Variants in HECW1 observed in about 807,000 individuals in gnomAD.
HECW1 encodes HECT, C2 and WW domain containing E3 ubiquitin protein ligase 1.
HECW1 carries 61 observed loss-of-function variants against 182.3 expected under a neutral mutation model. The ratio of observed to expected loss-of-function variants is 0.33; its 90% CI spans 0.27 to 0.41. The LOEUF (loss-of-function observed/expected upper bound fraction) is 0.41. Ranked by LOEUF, HECW1 falls within the 10% of genes least tolerant of loss-of-function variation. The probability of loss-of-function intolerance (pLI) is 1.00; values close to 1 mark genes in which losing one functional copy is unlikely to be tolerated. For synonymous variants in HECW1, 859 were observed against 832.6 expected, an observed-to-expected ratio of 1.03 and a Z score of -0.55; for missense variants, 1,739 against 2,108.9, an observed-to-expected ratio of 0.82 and a Z score of 3.44.
At chr7:43,276,952 CA>C (rs1444845614) in intron 3 of HECW1, among the ~76,000 whole-genome samples, 2 of 152,160 alleles carry the variant, frequency 1.3e-5, no homozygotes, top group Admixed American at 6.5e-5. Flanking sequence ...CCCACTTCGC[CA>C]GATTATATTT....
At chr7:43,415,339 G>C (rs1449844165) in intron 8 of HECW1, among the ~76,000 whole-genome samples, 1 of 142,764 alleles carries the variant, frequency 7.0e-6, no homozygotes, top group Non-Finnish European at 1.5e-5. Flanking sequence ...TTTTCTTTAA[G>C]AATGTTGAAT....
chr7:43,445,407 G>T lies in HECW1; in HGVS notation c.2235G>T (p.Ala745=), dbSNP rs760339051. The change falls in exon 11 of 30, where the codon GCG becomes GCT. Residue 745 remains alanine, a synonymous_variant. Coordinates refer to ENST00000395891, the MANE Select transcript of HECW1 (RefSeq NM_015052.5). ...ACGACGAGGAGGAGGAGAACAGCGC[G>T]TTCGAGTCGGTACCCGACTCCATGC... is the stretch of plus-strand genomic sequence containing the variant. ...SQDDEEEENS[A]FESVPDSMQS... is the part of the protein sequence containing the mutation. 1.2e-6 allele frequency: 2 copies of T among 1,613,536 alleles called. No individual in the cohort carries two copies. Among genetic ancestry groups the T allele is most frequent in the South Asian group, 2.2e-5 (2 of 91,082 alleles).
chr7:43,124,162 A>G (rs866723688), intron 2 of HECW1, among the ~76,000 whole-genome samples: 19 of 152,208 alleles, frequency 1.2e-4, no homozygotes, highest in African/African-American at 3.9e-4. Flanking sequence ...ATTTTTATAG[A>G]AACATGAAAC....
intron 24 of HECW1, among the ~76,000 whole-genome samples, chr7:43,532,728 C>T (rs4724211): frequency 0.052 from 7,987 of 152,246 alleles, 517 homozygotes; most frequent in African/African-American, 0.15. Context: ...CACTCCCTGG[C>T]ACATTCAGAA....
At chr7:43,433,764 G>A (rs1440175754) in intron 8 of HECW1, among the ~76,000 whole-genome samples, 1 of 152,218 alleles carries the variant, frequency 6.6e-6, no homozygotes, top group Non-Finnish European at 1.5e-5. Flanking sequence ...TGACCCGAGT[G>A]CCAGTAGACT....
chr7:43,309,136 T>C (rs886285657), intron 3 of HECW1, among the ~76,000 whole-genome samples: 4 of 152,052 alleles, frequency 2.6e-5, no homozygotes, highest in African/African-American at 9.7e-5. Flanking sequence ...TGCAGGGGAA[T>C]GGGATTCCTG....
chr7:43,475,760 G>T (rs527926464), intron 16 of HECW1, among the ~76,000 whole-genome samples: 1 of 152,064 alleles, frequency 6.6e-6, no homozygotes, highest in Non-Finnish European at 1.5e-5. Context: ...ACAGGTTTTC[G>T]CCATGTTGCC....
At position 43,514,020 on chromosome 7, in the gene HECW1, C is replaced by T. The variant is rs538428867; in HGVS notation, c.4019+4899C>T. On this transcript the variant is annotated intron_variant, in intron 24 of 29. Transcript: ENST00000395891. ...AACACTCTTCTTCCACCCTCCAGTC[C>T]CAATGGCCAAACCCAACCATGAACC... Among the ~76,000 whole-genome samples the T allele has an allele frequency of 3.3e-5, 5 of 152,268 alleles. No individual in the cohort carries two copies. In the East Asian group the frequency reaches 9.7e-4, roughly 29 times the overall value.
At chr7:43,336,120 T>TCTCTCTCTCTCTC (rs1562853468) in intron 5 of HECW1, among the ~76,000 whole-genome samples, 1 of 75,376 alleles carries the variant, frequency 1.3e-5, no homozygotes, top group African/African-American at 5.8e-5. Context: ...CTTTCTTTCT[T>TCTCTCTCTCTCTC]TCTTTCTCTC....
rs550156297 is a variant in HECW1, at chr7:43,251,793, C to T, written c.27+7861C>T. Among the ~76,000 whole-genome samples, 16 of 152,322 alleles carry T rather than the reference C, an allele frequency of 1.1e-4. No homozygotes were observed. The South Asian group carries it at 1.5e-3, about 14-fold the overall frequency. On this transcript the variant is annotated intron_variant, in intron 3 of 29. Coordinates refer to ENST00000395891, the MANE Select transcript of HECW1 (RefSeq NM_015052.5). ...AAGTCCTTCTCAGACTCTTTCTTCCCCAAATGGAATTAGCTGAAGCGCATG... is the reference window on the plus strand; with the variant it reads ...AAGTCCTTCTCAGACTCTTTCTTCCTCAAATGGAATTAGCTGAAGCGCATG...
chr7:43,254,053 G>T (rs1258694476), intron 3 of HECW1, among the ~76,000 whole-genome samples: 4 of 152,358 alleles, frequency 2.6e-5, no homozygotes, highest in African/African-American at 9.6e-5. Context: ...TGGACTCTGA[G>T]TCTGTGCTGA....
intron 24 of HECW1, among the ~76,000 whole-genome samples, chr7:43,528,967 G>A (rs55704525): frequency 0.011 from 1,603 of 152,188 alleles, 8 homozygotes; most frequent in Middle Eastern, 0.054. Context: ...GGGCATTGGG[G>A]AGGAGATTCT....
chr7:43,501,694 G>C (rs886879795), intron 21 of HECW1, among the ~76,000 whole-genome samples: 3 of 152,028 alleles, frequency 2.0e-5, no homozygotes, highest in African/African-American at 7.2e-5. Context: ...AGCCAAGTGA[G>C]GTAGCATGTG....
At chr7:43,455,261 CAG>C (rs1314946744) in intron 12 of HECW1, among the ~76,000 whole-genome samples, 1 of 152,062 alleles carries the variant, frequency 6.6e-6, no homozygotes, top group Non-Finnish European at 1.5e-5. Flanking sequence ...GTTTGGTGGC[CAG>C]AGATATTTGA....
chr7:43,142,215 G>T (rs1220109453), intron 2 of HECW1, among the ~76,000 whole-genome samples: 1 of 152,092 alleles, frequency 6.6e-6, no homozygotes, highest in Non-Finnish European at 1.5e-5. Context: ...AATTAAACCT[G>T]CAGATTCTGA....
intron 5 of HECW1, among the ~76,000 whole-genome samples, chr7:43,328,532 C>A (rs1584495273): frequency 6.6e-6 from 1 of 152,288 alleles, no homozygotes; most frequent in East Asian, 1.9e-4. Context: ...TGGCGTGTGG[C>A]AGTGGAGGGC....
intron 3 of HECW1, among the ~76,000 whole-genome samples, chr7:43,259,233 A>T (rs1800918554): frequency 6.6e-6 from 1 of 152,142 alleles, no homozygotes; most frequent in African/African-American, 2.4e-5. Context: ...CTAAAAATAC[A>T]AACATTAGCC....
chr7:43,179,726 C>A (rs1295093649), intron 2 of HECW1, among the ~76,000 whole-genome samples: 1 of 152,098 alleles, frequency 6.6e-6, no homozygotes, highest in Non-Finnish European at 1.5e-5. Flanking sequence ...AATATGACTG[C>A]CTTAATTTAT....
chr7:43,280,000 C>T (rs1037486862), intron 3 of HECW1, among the ~76,000 whole-genome samples: 1 of 152,202 alleles, frequency 6.6e-6, no homozygotes, highest in East Asian at 1.9e-4. Flanking sequence ...ATGGTCTTCA[C>T]AGCTCACTGG....
Sources: allele counts gnomAD v4.1 joint callset (sites outside exome capture counted in the v4.1 genomes callset), GRCh38; gene constraint gnomAD v4.1.1; transcripts MANE v1.5; gene names NCBI Gene and HGNC (gene_info 2026-07-23, HGNC 2026-07-21).